Variants in PCDH11X observed in about 807,000 individuals in gnomAD.
PCDH11X encodes protocadherin 11 X-linked.
PCDH11X carries 18 observed loss-of-function variants against 53.3 expected under a neutral mutation model. The ratio of observed to expected loss-of-function variants is 0.34; its 90% CI spans 0.23 to 0.50. The LOEUF is 0.50. Among genes scored for constraint, PCDH11X ranks in the 20% least tolerant of loss-of-function variants. The pLI, the probability that PCDH11X is intolerant of heterozygous loss-of-function variation, is 0.98. For synonymous variants in PCDH11X, 279 were observed against 393.3 expected, an observed-to-expected ratio of 0.71 and a Z score of 3.44; for missense variants, 570 against 1,032.4, an observed-to-expected ratio of 0.55 and a Z score of 6.14.
At chrX:92,084,471 C>T (rs1376308728) in intron 6 of PCDH11X, among the ~76,000 whole-genome samples, 3 of 105,016 alleles carry the variant, frequency 2.9e-5, no homozygotes, top group South Asian at 4.3e-4. Context: ...CGCTTGAACC[C>T]GGGAAGCAGA....
intron 7 of PCDH11X, among the ~76,000 whole-genome samples, chrX:92,202,309 C>A (rs1393029948): frequency 9.0e-6 from 1 of 111,163 alleles, no homozygotes; most frequent in Non-Finnish European, 1.9e-5. Context: ...AGGTCATATA[C>A]CAGTTAAATT....
At position 92,451,008 on chromosome X, in the gene PCDH11X, G is replaced by A. The variant is rs770406405; in HGVS notation, c.3344-17291G>A. 8.1e-5 allele frequency among the ~76,000 whole-genome samples: 9 copies of A among 110,629 alleles called. 1 individual carries two copies. The South Asian group carries it at 3.4e-3, about 42-fold the overall frequency. On this transcript the variant is annotated intron_variant, in intron 9 of 10. Coordinates refer to ENST00000682573, the MANE Select transcript of PCDH11X (RefSeq NM_032968.5). ...AATCGAATGAGTTGGTTAAGTAGAGGCCTGTCAAAAAAGTTTCCAATTTAT... is the reference window on the plus strand; with the variant it reads ...AATCGAATGAGTTGGTTAAGTAGAGACCTGTCAAAAAAGTTTCCAATTTAT...
intron 8 of PCDH11X, among the ~76,000 whole-genome samples, chrX:92,334,483 T>C (rs2069568720): frequency 9.0e-6 from 1 of 111,723 alleles, no homozygotes; most frequent in Non-Finnish European, 1.9e-5. Flanking sequence ...GTAAATTGTG[T>C]ATTGTAGTAA....
chrX:92,067,811 G>T (rs1199264552), intron 6 of PCDH11X, among the ~76,000 whole-genome samples: 1 of 111,359 alleles, frequency 9.0e-6, no homozygotes, highest in Non-Finnish European at 1.9e-5. Flanking sequence ...TTTCCTGGGA[G>T]ACTTTTTATT....
In PCDH11X at chrX:92,375,896, A is replaced by G. The variant is rs767522418; in HGVS notation, c.3145-11839A>G. Among the ~76,000 whole-genome samples, 8 of 112,295 alleles carry G rather than the reference A, an allele frequency of 7.1e-5. No homozygotes were observed. In the South Asian group the frequency reaches 2.9e-3, roughly 41 times the overall value. On this transcript the variant is annotated intron_variant, in intron 8 of 10. Coordinates refer to ENST00000682573, the MANE Select transcript of PCDH11X (RefSeq NM_032968.5). The stretch of plus-strand genomic sequence containing the variant: ...CTCGGCCTCCCAAAGTGCTGGGATT[A>G]TAGGCGTGAGCCACCGTGCCTGGCC...
intron 6 of PCDH11X, among the ~76,000 whole-genome samples, chrX:92,189,910 T>C (rs914263701): frequency 9.0e-6 from 1 of 111,297 alleles, no homozygotes; most frequent in Admixed American, 9.6e-5. Context: ...CTTAATGGGG[T>C]TGTTTGTTTT....
intron 8 of PCDH11X, among the ~76,000 whole-genome samples, chrX:92,360,941 C>T (rs983734762): frequency 1.7e-5 from 1 of 60,499 alleles, no homozygotes; most frequent in Non-Finnish European, 3.2e-5. Context: ...GGGCTCTTGG[C>T]ACCTCTGGGC....
At chrX:92,609,539 A>G (rs1228662154) in intron 10 of PCDH11X, among the ~76,000 whole-genome samples, 1 of 111,740 alleles carries the variant, frequency 8.9e-6, no homozygotes, top group African/African-American at 3.2e-5. Context: ...TGACATATTC[A>G]TGTCTTCCTT....
intron 9 of PCDH11X, among the ~76,000 whole-genome samples, chrX:92,442,077 T>C (rs1229342718): frequency 9.0e-6 from 1 of 111,437 alleles, no homozygotes; most frequent in Non-Finnish European, 1.9e-5. Context: ...CTGTAGCCTC[T>C]TTGTTTTGGC....
chrX:91,971,037 C>A (rs899272713), intron 6 of PCDH11X, among the ~76,000 whole-genome samples: 2 of 111,233 alleles, frequency 1.8e-5, no homozygotes, highest in Non-Finnish European at 3.8e-5. Flanking sequence ...AGGAAAATAG[C>A]TAAGGAAAAA....
intron 4 of PCDH11X, among the ~76,000 whole-genome samples, chrX:91,830,911 T>C (rs906225886): frequency 6.3e-5 from 7 of 111,628 alleles, no homozygotes; most frequent in Admixed American, 5.8e-4. Flanking sequence ...GTAATTCACA[T>C]AGAATTCATT....
intron 6 of PCDH11X, chrX:91,879,997 C>T (rs1939819350): frequency 4.4e-6 from 3 of 689,201 alleles, no homozygotes; most frequent in Non-Finnish European, 5.1e-6. Flanking sequence ...AGAAGACATT[C>T]TTAAAAGATA....
At chrX:92,241,343 C>G (rs1333102509) in intron 7 of PCDH11X, among the ~76,000 whole-genome samples, 1 of 111,582 alleles carries the variant, frequency 9.0e-6, no homozygotes, top group African/African-American at 3.3e-5. Context: ...ATTAGAAAGA[C>G]TGAATGAATG....
In PCDH11X at chrX:92,308,531, G is replaced by A. The variant is rs2068878639; in HGVS notation, c.3144+45388G>A. ...GAATCAATGACCTTAACCATAAGGG[G>A]TAATATATAAAAATGTTAGAAGAAA... is the stretch of plus-strand genomic sequence containing the variant. On this transcript the variant is annotated intron_variant, in intron 8 of 10. Coordinates refer to ENST00000682573, the MANE Select transcript of PCDH11X (RefSeq NM_032968.5). 2.7e-5 allele frequency among the ~76,000 whole-genome samples: 3 copies of A among 110,497 alleles called. No homozygotes were observed. In the South Asian group the frequency reaches 1.2e-3, roughly 43 times the overall value.
intron 6 of PCDH11X, among the ~76,000 whole-genome samples, chrX:91,976,123 G>A (rs1027629768): frequency 4.5e-5 from 5 of 111,367 alleles, no homozygotes; most frequent in Admixed American, 3.8e-4. Flanking sequence ...TGCGATCAGG[G>A]CTCACTGTAG....
chrX:92,016,607 C>G (rs1220719345), intron 6 of PCDH11X, among the ~76,000 whole-genome samples: 1 of 107,542 alleles, frequency 9.3e-6, no homozygotes, highest in Non-Finnish European at 1.9e-5. Flanking sequence ...TTTCCTGTAG[C>G]TTTCTCGCCT....
intron 6 of PCDH11X, among the ~76,000 whole-genome samples, chrX:92,142,450 C>T (rs1160156326): frequency 9.2e-6 from 1 of 108,948 alleles, no homozygotes; most frequent in Non-Finnish European, 1.9e-5. Context: ...GAACTCCTGA[C>T]CTCAGGTGAT....
intron 6 of PCDH11X, among the ~76,000 whole-genome samples, chrX:91,995,955 T>C (rs1189691379): frequency 5.7e-5 from 6 of 105,226 alleles, no homozygotes; most frequent in Non-Finnish European, 1.2e-4. Flanking sequence ...GTCCATGCCA[T>C]TCTCCTGCCT....
intron 6 of PCDH11X, among the ~76,000 whole-genome samples, chrX:92,002,390 G>A (rs2062525367): frequency 1.8e-5 from 2 of 109,428 alleles, no homozygotes; most frequent in South Asian, 8.0e-4. Context: ...TGGGTCTTTT[G>A]TGGTTTCATA....
Sources: allele counts gnomAD v4.1 joint callset (sites outside exome capture counted in the v4.1 genomes callset), GRCh38; gene constraint gnomAD v4.1.1; transcripts MANE v1.5; gene names NCBI Gene and HGNC (gene_info 2026-07-23, HGNC 2026-07-21).